Variants in FOXN3 observed in about 807,000 individuals in gnomAD.
The protein encoded by FOXN3 is forkhead box N3.
Under a neutral mutation model 38.4 loss-of-function variants are expected in FOXN3, and 7 were observed. The observed-to-expected ratio is 0.18, with a 90% CI of 0.10 to 0.34. The LOEUF is 0.34. Ranked by LOEUF, FOXN3 falls within the 10% of genes least tolerant of loss-of-function variation. FOXN3 has a pLI of 1.00. For missense variants in FOXN3, 456 were observed against 613.4 expected (o/e 0.74, Z 2.71); for synonymous variants, 230 against 242.2 (o/e 0.95, Z 0.47).
At chr14:89,199,812 G>A (rs1230591089) in intron 4 of FOXN3, among the ~76,000 whole-genome samples, 4 of 152,112 alleles carry the variant, frequency 2.6e-5, no homozygotes, top group Non-Finnish European at 4.4e-5. Context: ...GCTGAGGCAG[G>A]AGAATCACTG....
rs797007895 is a variant in FOXN3, at chr14:89,546,330, T to TTTTTTTTTC, written c.-15+72697_-15+72698insGAAAAAAAA. 7.0e-3 allele frequency among the ~76,000 whole-genome samples: 231 copies of TTTTTTTTTC among 33,234 alleles called. 6 individuals carry two copies. Among genetic ancestry groups the TTTTTTTTTC allele is most frequent in the Admixed American group, 0.016 (48 of 2,932 alleles). 21.8% of individuals were successfully genotyped at this position (33,234 alleles called of 152,430 possible). ...AGCTTCTTTTCTTTTTTCCTTTTTC[T>TTTTTTTTTC]TTTTTTTTTTTTTTTTTTGAGATGG... is the stretch of plus-strand genomic sequence containing the variant. On this transcript the variant is annotated intron_variant, in intron 1 of 6. Transcript: ENST00000345097.
Position 89,438,365 on chromosome 14 carries a change from G to C in FOXN3, c.-14-25875C>G, listed in dbSNP as rs142221719. Among the ~76,000 whole-genome samples, 71 of 152,306 alleles carry C rather than the reference G, an allele frequency of 4.7e-4. 1 individual carries two copies. The highest frequency in any genetic ancestry group is 1.7e-3 in the African/African-American group (71 of 41,572). On this transcript the variant is annotated intron_variant, in intron 1 of 6. Coordinates refer to the FOXN3 transcript ENST00000345097. ...CGCCTTATATATGAAAGAAACTTAA[G>C]GTTTTCCCAAATTTGAGAGTAGTCC...
chr14:89,463,118 T>C lies in FOXN3; in HGVS notation c.-14-50628A>G, dbSNP rs559538880. Reference sequence around the variant, plus strand: ...ATCTGGCTAACACGGTGAAACCCCGTCTCTACTAAAAATACAAAAAATTAG... The same window carrying C: ...ATCTGGCTAACACGGTGAAACCCCGCCTCTACTAAAAATACAAAAAATTAG... On this transcript the variant is annotated intron_variant, in intron 1 of 6. Transcript: ENST00000345097. Among the ~76,000 whole-genome samples the C allele has an allele frequency of 6.6e-5, 10 of 151,020 alleles. No individual in the cohort carries two copies. The South Asian group carries it at 2.1e-3, about 32-fold the overall frequency.
intron 3 of FOXN3, among the ~76,000 whole-genome samples, chr14:89,350,088 GAT>G (rs367562970): frequency 6.6e-6 from 1 of 152,058 alleles, no homozygotes; most frequent in African/African-American, 2.4e-5. Context: ...CCCTTCCAAT[GAT>G]ATATTTGTAA....
At chr14:89,461,491 A>C (rs1892847865) in intron 1 of FOXN3, among the ~76,000 whole-genome samples, 3 of 152,202 alleles carry the variant, frequency 2.0e-5, no homozygotes. Context: ...TGACACACAA[A>C]GAATATTTTC....
intron 3 of FOXN3, among the ~76,000 whole-genome samples, chr14:89,283,988 G>A (rs976328647): frequency 1.3e-5 from 2 of 152,096 alleles, no homozygotes; most frequent in African/African-American, 4.8e-5. Context: ...AGCCTCCTGG[G>A]TAGCTGGGAT....
chr14:89,397,414 A>G (rs900818134), intron 2 of FOXN3, among the ~76,000 whole-genome samples: 23 of 150,058 alleles, frequency 1.5e-4, no homozygotes, highest in Non-Finnish European at 1.6e-4. Flanking sequence ...AAACCTGCAC[A>G]TGTACCCCCA....
At position 89,374,290 on chromosome 14, in the gene FOXN3, A is replaced by AAG. The variant is rs60304712; in HGVS notation, c.544-23483_544-23482insCT. On this transcript the variant is annotated intron_variant, in intron 2 of 5. Transcript: ENST00000557258. The stretch of plus-strand genomic sequence containing the variant: ...AAAAAAAAAAAAAAAAAAAAAAAAA[A>AAG]GAAGGAAGGAAAGGAAAAGAAAAAG... 9.2e-3 allele frequency among the ~76,000 whole-genome samples: 1,157 copies of AAG among 126,098 alleles called. 81 individuals are homozygous for AAG. The highest frequency in any genetic ancestry group is 0.022 in the South Asian group (76 of 3,422). 82.7% of individuals were successfully genotyped at this position (126,098 alleles called of 152,430 possible).
At chr14:89,255,671 T>A (rs1380288846) in intron 4 of FOXN3, among the ~76,000 whole-genome samples, 1 of 152,118 alleles carries the variant, frequency 6.6e-6, no homozygotes, top group East Asian at 1.9e-4. Context: ...GGTGCCAAGG[T>A]TAAACCCAAG....
chr14:89,337,494 C>T (rs1888496794), intron 3 of FOXN3, among the ~76,000 whole-genome samples: 1 of 152,114 alleles, frequency 6.6e-6, no homozygotes, highest in Non-Finnish European at 1.5e-5. Flanking sequence ...AGCTCCGGCG[C>T]CTTACCTTTC....
chr14:89,191,917 C>T (rs1339914384), intron 4 of FOXN3, among the ~76,000 whole-genome samples: 2 of 146,752 alleles, frequency 1.4e-5, no homozygotes, highest in African/African-American at 5.1e-5. Context: ...GGTGAAATTC[C>T]TAAAACAGTC....
chr14:89,586,750 C>A (rs758273603), intron 1 of FOXN3, among the ~76,000 whole-genome samples: 1 of 152,220 alleles, frequency 6.6e-6, no homozygotes, highest in Non-Finnish European at 1.5e-5. Flanking sequence ...TTCCCTCCCA[C>A]CATTTCACTA....
chr14:89,333,739 G>A (rs1351537983), intron 3 of FOXN3, among the ~76,000 whole-genome samples: 1 of 98,910 alleles, frequency 1.0e-5, no homozygotes, highest in Admixed American at 1.5e-4. Flanking sequence ...GGTGAACACA[G>A]AGAGACTATT....
At chr14:89,545,090 T>C (rs1894859854) in intron 1 of FOXN3, among the ~76,000 whole-genome samples, 1 of 152,236 alleles carries the variant, frequency 6.6e-6, no homozygotes, top group Admixed American at 6.5e-5. Context: ...GGTCAGTTTT[T>C]CCCAGGGTTC....
intron 4 of FOXN3, among the ~76,000 whole-genome samples, chr14:89,236,297 C>T (rs937184145): frequency 7.2e-5 from 11 of 152,062 alleles, no homozygotes; most frequent in South Asian, 2.1e-4. Flanking sequence ...GGGTGGATCA[C>T]GAGGTCAGGA....
Position 89,358,439 on chromosome 14 carries a change from T to C in FOXN3, c.544-7631A>G, listed in dbSNP as rs1207155266. 3.3e-5 allele frequency among the ~76,000 whole-genome samples: 5 copies of C among 152,166 alleles called. No homozygotes were observed. In the South Asian group the frequency reaches 8.3e-4, roughly 25 times the overall value. ...CAAGGTCGAAAAGGAAGACCCCCATTGGGGGATACAGACACGGACTAGAGT... is the reference window on the plus strand; with the variant it reads ...CAAGGTCGAAAAGGAAGACCCCCATCGGGGGATACAGACACGGACTAGAGT... On this transcript the variant is annotated intron_variant, in intron 2 of 5. Transcript: ENST00000557258.
chr14:89,354,560 A>G (rs1407853056), intron 2 of FOXN3, among the ~76,000 whole-genome samples: 2 of 147,354 alleles, frequency 1.4e-5, no homozygotes, highest in Admixed American at 6.7e-5. Flanking sequence ...AAAAAAAAAA[A>G]AGAAAAGAAA....
chr14:89,201,296 T>A (rs1888228018), intron 4 of FOXN3, among the ~76,000 whole-genome samples: 1 of 152,190 alleles, frequency 6.6e-6, no homozygotes, highest in African/African-American at 2.4e-5. Flanking sequence ...CATTTGGGGT[T>A]GCCGTGGAAG....
intron 1 of FOXN3, among the ~76,000 whole-genome samples, chr14:89,532,599 C>T (rs1002314882): frequency 6.6e-6 from 1 of 152,170 alleles, no homozygotes; most frequent in Non-Finnish European, 1.5e-5. Flanking sequence ...AAACACTGCA[C>T]AGCCACTGAT....
Sources: allele counts gnomAD v4.1 joint callset (sites outside exome capture counted in the v4.1 genomes callset), GRCh38; gene constraint gnomAD v4.1.1; transcripts MANE v1.5; gene names NCBI Gene and HGNC (gene_info 2026-07-23, HGNC 2026-07-21).